Variants in ADGRL3 observed in about 807,000 individuals in gnomAD.
The protein encoded by ADGRL3 is calcium-independent alpha-latrotoxin receptor 3.
Under a neutral mutation model 153.5 loss-of-function variants are expected in ADGRL3, and 62 were observed. The observed-to-expected ratio is 0.40, with a 90% CI of 0.33 to 0.50. The LOEUF is 0.50. ADGRL3 is among the 20% of genes least tolerant of loss of function. ADGRL3 has a pLI of 0.47. For synonymous variants in ADGRL3, 710 were observed against 672.5 expected, an observed-to-expected ratio of 1.06 and a Z score of -0.86; for missense variants, 1,641 against 1,859.4, an observed-to-expected ratio of 0.88 and a Z score of 2.16.
intron 9 of ADGRL3, among the ~76,000 whole-genome samples, chr4:61,817,568 TG>T (rs2097702504): frequency 6.6e-6 from 1 of 152,088 alleles, no homozygotes; most frequent in Admixed American, 6.5e-5. Flanking sequence ...TCAGGTCTCC[TG>T]AGAGCCATTC....
chr4:61,640,545 A>G (rs2093619244), intron 5 of ADGRL3, among the ~76,000 whole-genome samples: 4 of 152,108 alleles, frequency 2.6e-5, no homozygotes, highest in South Asian at 4.1e-4. Context: ...TTATTTATCC[A>G]TATCCGTCTC....
chr4:62,056,583 T>C (rs1350232961), intron 25 of ADGRL3, among the ~76,000 whole-genome samples: 1 of 152,012 alleles, frequency 6.6e-6, no homozygotes, highest in Non-Finnish European at 1.5e-5. Flanking sequence ...TCTAATGCCA[T>C]AGAAGATACA....
At chr4:61,339,085 A>G (rs1021529004) in intron 1 of ADGRL3, among the ~76,000 whole-genome samples, 1 of 152,196 alleles carries the variant, frequency 6.6e-6, no homozygotes, top group African/African-American at 2.4e-5. Context: ...TAAGTGCTAT[A>G]GAGTCAGATT....
intron 1 of ADGRL3, among the ~76,000 whole-genome samples, chr4:61,327,263 T>G (rs900869724): frequency 5.3e-5 from 8 of 151,828 alleles, no homozygotes; most frequent in Non-Finnish European, 1.2e-4. Context: ...TATTTTTAAT[T>G]TATGTACATC....
intron 25 of ADGRL3, among the ~76,000 whole-genome samples, chr4:62,061,223 A>G (rs974187025): frequency 1.3e-5 from 2 of 151,780 alleles, no homozygotes; most frequent in Admixed American, 1.3e-4. Flanking sequence ...TTAATTTAAT[A>G]TGGATTGCTA....
intron 4 of ADGRL3, among the ~76,000 whole-genome samples, chr4:61,555,357 T>C (rs2098760412): frequency 6.6e-6 from 1 of 152,230 alleles, no homozygotes; most frequent in Admixed American, 6.5e-5. Context: ...CTTAGCTGTT[T>C]ATCTCCCACC....
chr4:61,394,778 A>G (rs897431461), intron 2 of ADGRL3, among the ~76,000 whole-genome samples: 16 of 152,064 alleles, frequency 1.1e-4, no homozygotes, highest in Non-Finnish European at 8.8e-5. Flanking sequence ...GTTTATTCAC[A>G]AAATTTAATT....
chr4:61,593,343 G>A (rs1358967757), intron 5 of ADGRL3, among the ~76,000 whole-genome samples: 2 of 151,926 alleles, frequency 1.3e-5, no homozygotes, highest in Non-Finnish European at 2.9e-5. Flanking sequence ...CTGTTACCAG[G>A]GAGGTTTTTT....
At chr4:61,366,697 T>G (rs974790506) in intron 1 of ADGRL3, among the ~76,000 whole-genome samples, 1 of 152,220 alleles carries the variant, frequency 6.6e-6, no homozygotes, top group Non-Finnish European at 1.5e-5. Context: ...TTTGCTTTTG[T>G]ATTCCATTGT....
At chr4:61,531,302 C>T (rs1357115283) in intron 4 of ADGRL3, among the ~76,000 whole-genome samples, 2 of 152,094 alleles carry the variant, frequency 1.3e-5, no homozygotes, top group African/African-American at 4.8e-5. Flanking sequence ...GTTCTGTTTT[C>T]GCCTAGTCTA....
chr4:61,409,371 A>T (rs6842909), intron 2 of ADGRL3, among the ~76,000 whole-genome samples: 5,021 of 141,820 alleles, frequency 0.035, 249 homozygotes, highest in East Asian at 0.21. Flanking sequence ...TTATATATAT[A>T]AGACATATAT....
At chr4:61,909,427 A>G (rs1324313661) in intron 11 of ADGRL3, 133 bp from the exon 12 acceptor site, 1 of 620,402 alleles carries the variant, frequency 1.6e-6, no homozygotes, top group African/African-American at 1.9e-5. Flanking sequence ...AGTGTATTCC[A>G]GATGAAGATG....
At chr4:61,768,470 G>A (rs550870721) in intron 8 of ADGRL3, among the ~76,000 whole-genome samples, 9 of 152,046 alleles carry the variant, frequency 5.9e-5, no homozygotes, top group Admixed American at 2.0e-4. Flanking sequence ...GGGCACAGAG[G>A]CTAGGAAGGA....
intron 1 of ADGRL3, among the ~76,000 whole-genome samples, chr4:61,276,305 C>T (rs17238911): frequency 0.063 from 9,529 of 152,188 alleles, 383 homozygotes; most frequent in South Asian, 0.11. Flanking sequence ...TGCTTTTAAA[C>T]CATTTGTATT....
At chr4:61,916,614 C>T (rs1022552851) in intron 13 of ADGRL3, among the ~76,000 whole-genome samples, 9 of 151,972 alleles carry the variant, frequency 5.9e-5, no homozygotes, top group African/African-American at 1.9e-4. Flanking sequence ...CATTGCTTCT[C>T]TCCTGACATG....
chr4:61,476,220 C>A (rs931983161), intron 2 of ADGRL3, among the ~76,000 whole-genome samples: 3 of 151,972 alleles, frequency 2.0e-5, no homozygotes, highest in African/African-American at 7.2e-5. Flanking sequence ...GGCAATAACT[C>A]TTCTTTTATT....
chr4:61,771,903 C>T (rs556622921), intron 8 of ADGRL3, among the ~76,000 whole-genome samples: 68 of 152,282 alleles, frequency 4.5e-4, no homozygotes, highest in African/African-American at 1.6e-3. Flanking sequence ...GACAAAACCT[C>T]CTACAAGCTA....
At chr4:61,573,335 T>G (rs1022473017) in intron 4 of ADGRL3, among the ~76,000 whole-genome samples, 1 of 152,018 alleles carries the variant, frequency 6.6e-6, no homozygotes. Flanking sequence ...ACACAGATTT[T>G]AAATATATCT....
intron 1 of ADGRL3, among the ~76,000 whole-genome samples, chr4:61,245,540 G>A (rs1269175123): frequency 6.6e-6 from 1 of 151,976 alleles, no homozygotes; most frequent in African/African-American, 2.4e-5. Flanking sequence ...TATTGTTTAT[G>A]CCTTTCTCTC....
Sources: gnomAD v4.1 joint callset for allele counts (sites outside exome capture counted in the v4.1 genomes callset) on GRCh38, gnomAD v4.1.1 for gene constraint, MANE v1.5 for transcripts, NCBI Gene and HGNC (gene_info 2026-07-23, HGNC 2026-07-21) for gene names.